The following CTNNA3 variants were observed in gnomAD, a reference collection of about 807,000 sequenced individuals.
CTNNA3 encodes the protein catenin alpha 3.
Under a neutral mutation model 95.7 loss-of-function variants are expected in CTNNA3, and 76 were observed. The observed-to-expected ratio is 0.79, with a 90% confidence interval of 0.66 to 0.96. The LOEUF (loss-of-function observed/expected upper bound fraction) is 0.96. Among genes scored for constraint, CTNNA3 ranks in the 40% least tolerant of loss-of-function variants. CTNNA3 has a pLI of 0.00. For missense variants in CTNNA3, 1,191 were observed against 1,089.8 expected, an observed-to-expected ratio of 1.09 and a Z score of -1.31; for synonymous variants, 431 against 374.4, an observed-to-expected ratio of 1.15 and a Z score of -1.74.
intron 13 of CTNNA3, among the ~76,000 whole-genome samples, chr10:66,232,643 T>C (rs899369588): frequency 2.0e-5 from 3 of 152,164 alleles, no homozygotes; most frequent in African/African-American, 7.2e-5. Context: ...AGGAGGAAGA[T>C]ATATACTGAT....
intron 15 of CTNNA3, among the ~76,000 whole-genome samples, chr10:66,063,135 C>T (rs2080237162): frequency 6.6e-6 from 1 of 150,828 alleles, no homozygotes; most frequent in Admixed American, 6.7e-5. Context: ...CCAGTCATTT[C>T]AATATATCCT....
chr10:66,467,340 C>A (rs904278429), intron 11 of CTNNA3, among the ~76,000 whole-genome samples: 2 of 152,030 alleles, frequency 1.3e-5, no homozygotes, highest in African/African-American at 4.8e-5. Flanking sequence ...ACAAATAATT[C>A]TTGACTGACC....
intron 10 of CTNNA3, among the ~76,000 whole-genome samples, chr10:66,587,566 G>C (rs1207585007): frequency 6.6e-6 from 1 of 152,072 alleles, no homozygotes; most frequent in Non-Finnish European, 1.5e-5. Context: ...CACAAGCAGC[G>C]GCCCCAGTGA....
chr10:66,901,906 T>A (rs182159782), intron 7 of CTNNA3, among the ~76,000 whole-genome samples: 170 of 152,292 alleles, frequency 1.1e-3, no homozygotes, highest in African/African-American at 3.9e-3. Flanking sequence ...CAAAGAGACT[T>A]AGACTCCCAC....
At chr10:66,957,922 T>C (rs1218797100) in intron 7 of CTNNA3, among the ~76,000 whole-genome samples, 3 of 152,006 alleles carry the variant, frequency 2.0e-5, no homozygotes, top group South Asian at 2.1e-4. Flanking sequence ...ACCCTACATA[T>C]GGCCAAATGC....
intron 11 of CTNNA3, among the ~76,000 whole-genome samples, chr10:66,394,323 A>G (rs545537759): frequency 1.3e-5 from 2 of 152,156 alleles, no homozygotes; most frequent in South Asian, 4.1e-4. Context: ...TTAGCTACTT[A>G]GCTATTCTGG....
At chr10:66,158,483 C>A (rs985525106) in intron 13 of CTNNA3, among the ~76,000 whole-genome samples, 1 of 152,004 alleles carries the variant, frequency 6.6e-6, no homozygotes, top group Non-Finnish European at 1.5e-5. Flanking sequence ...TTTCTGGGTT[C>A]TCTATTCTGT....
At chr10:66,007,771 T>TCCCC (rs57615914) in intron 15 of CTNNA3, among the ~76,000 whole-genome samples, 1 of 85,322 alleles carries the variant, frequency 1.2e-5, no homozygotes, top group African/African-American at 5.4e-5. Flanking sequence ...CCTCCCTCTC[T>TCCCC]TCCTTCCTTT....
intron 11 of CTNNA3, among the ~76,000 whole-genome samples, chr10:66,432,565 G>A (rs1225314914): frequency 6.6e-6 from 1 of 151,454 alleles, no homozygotes. Context: ...GGAGGCTGAG[G>A]AAGGAGAATG....
At chr10:66,815,092 T>G (rs1022412935) in intron 7 of CTNNA3, among the ~76,000 whole-genome samples, 2 of 152,060 alleles carry the variant, frequency 1.3e-5, no homozygotes, top group African/African-American at 4.8e-5. Flanking sequence ...CAAATTAATA[T>G]TTTATATACA....
At chr10:67,342,846 T>C (rs1408033235) in intron 5 of CTNNA3, among the ~76,000 whole-genome samples, 8 of 152,210 alleles carry the variant, frequency 5.3e-5, no homozygotes, top group Non-Finnish European at 1.0e-4. Flanking sequence ...ACTATAGCTC[T>C]GTAGTAAATT....
At chr10:67,530,456 G>T (rs1840292714) in intron 4 of CTNNA3, among the ~76,000 whole-genome samples, 1 of 152,250 alleles carries the variant, frequency 6.6e-6, no homozygotes, top group Non-Finnish European at 1.5e-5. Context: ...TTAGCAAAGA[G>T]ATTGGTGGCA....
At chr10:66,302,752 A>C (rs1223671725) in intron 12 of CTNNA3, among the ~76,000 whole-genome samples, 1 of 152,136 alleles carries the variant, frequency 6.6e-6, no homozygotes, top group Non-Finnish European at 1.5e-5. Context: ...AATTATTTTA[A>C]AATAAATAGT....
intron 5 of CTNNA3, among the ~76,000 whole-genome samples, chr10:67,487,674 C>T (rs558721510): frequency 6.6e-5 from 10 of 152,270 alleles, no homozygotes; most frequent in South Asian, 4.1e-4. Flanking sequence ...CTTGGGAACA[C>T]GGCTATAGGC....
At chr10:67,564,298 G>A (rs1022213411) in intron 3 of CTNNA3, among the ~76,000 whole-genome samples, 3 of 149,810 alleles carry the variant, frequency 2.0e-5, no homozygotes, top group Non-Finnish European at 4.4e-5. Context: ...ATAATCCATG[G>A]AATACTATGC....
chr10:67,761,600 C>T (rs1051860894), intron 1 of CTNNA3, among the ~76,000 whole-genome samples: 3 of 152,098 alleles, frequency 2.0e-5, no homozygotes, highest in African/African-American at 4.8e-5. Flanking sequence ...AAACACGAGC[C>T]GGGCGCGGTG....
rs550337504 is a variant in CTNNA3 at position 67,515,831 on chromosome 10, G to T, written c.579+6011C>A. On this transcript the variant is annotated intron_variant, in intron 5 of 17. Coordinates refer to ENST00000433211, the MANE Select transcript of CTNNA3 (RefSeq NM_013266.4). The stretch of plus-strand genomic sequence containing the variant: ...ACAAAGGTCACTGAAGTTAATCCAT[G>T]GCTATAGAACTATTGCTCTAGAAGC... Among the ~76,000 whole-genome samples the T allele has an allele frequency of 3.9e-5, 6 of 152,234 alleles. No individual in the cohort carries two copies. In the South Asian group the frequency reaches 1.2e-3, roughly 32 times the overall value.
intron 9 of CTNNA3, among the ~76,000 whole-genome samples, chr10:66,690,909 C>T (rs1197311285): frequency 6.6e-6 from 1 of 152,176 alleles, no homozygotes; most frequent in African/African-American, 2.4e-5. Flanking sequence ...CTGACTTCCA[C>T]AATGGTTGAA....
chr10:66,711,169 T>C (rs1419590011), intron 9 of CTNNA3, among the ~76,000 whole-genome samples: 1 of 150,354 alleles, frequency 6.7e-6, no homozygotes, highest in Non-Finnish European at 1.5e-5. Flanking sequence ...TTAGAACATG[T>C]ATTCTGCAAT....
Sources: allele counts gnomAD v4.1 joint callset (sites outside exome capture counted in the v4.1 genomes callset), GRCh38; gene constraint gnomAD v4.1.1; transcripts MANE v1.5; gene names NCBI Gene and HGNC (gene_info 2026-07-23, HGNC 2026-07-21).